Variants in LIMK2 observed in about 807,000 individuals in gnomAD.
LIMK2 encodes the protein LIM domain kinase 2.
Under a neutral mutation model 75.7 loss-of-function variants are expected in LIMK2, and 35 were observed. That is an observed-to-expected ratio of 0.46 (90% CI 0.35 to 0.61). The LOEUF (loss-of-function observed/expected upper bound fraction) is 0.61, where lower values mean the gene tolerates loss of function less well. Ranked by LOEUF, LIMK2 falls within the 20% of genes least tolerant of loss-of-function variation. The pLI is 0.00. For synonymous variants in LIMK2, 301 were observed against 319.2 expected, an observed-to-expected ratio of 0.94 and a Z score of 0.61; for missense variants, 623 against 831.0, an observed-to-expected ratio of 0.75 and a Z score of 3.08.
rs1341036698 is a variant in LIMK2 at position 31,278,357 on chromosome 22, G to A, written c.1833G>A (p.Leu611=). 1 of 1,613,940 alleles carries A rather than the reference G, an allele frequency of 6.2e-7. No individual in the cohort carries two copies. Among genetic ancestry groups the A allele is most frequent in the Non-Finnish European group, 8.5e-7 (1 of 1,179,912 alleles). ...CCCTCTCCCTGTACCTGGGGGAGCT[G>A]GGCATCCCGCTGCCTGCAGAGCTGG... is the stretch of plus-strand genomic sequence containing the variant. ...FEALSLYLGE[L]GIPLPAELEE... The change falls in exon 16 of 16, where the codon CTG becomes CTA. Residue 611 remains leucine, a synonymous_variant. Transcript: ENST00000331728.
chr22:31,261,602 C>T (rs191435912), intron 5 of LIMK2, among the ~76,000 whole-genome samples: 309 of 149,494 alleles, frequency 2.1e-3, no homozygotes, highest in Middle Eastern at 3.5e-3. Flanking sequence ...CCCATCTCTA[C>T]AAAAAGTACA....
At position 31,278,450 on chromosome 22, in the gene LIMK2, C is replaced by T; in HGVS notation, c.*9C>T. 1.3e-6 allele frequency: 2 copies of T among 1,597,042 alleles called. No homozygotes were observed. The highest frequency in any genetic ancestry group is 1.7e-6 in the Non-Finnish European group (2 of 1,171,482). ...GGGACTCACCTCCCTAGCCCTGGCC[C>T]AGCCCCCTGCAGGGGGGTGTTCTAC... is the stretch of plus-strand genomic sequence containing the variant. On this transcript the variant is annotated 3_prime_UTR_variant, in exon 16 of 16. Coordinates refer to ENST00000331728, the MANE Select transcript of LIMK2 (RefSeq NM_005569.4).
At chr22:31,268,020 C>A in intron 10 of LIMK2, 113 bp downstream of exon 10, 1 of 1,536,426 alleles carries the variant, frequency 6.5e-7, no homozygotes, top group Non-Finnish European at 9.0e-7. Flanking sequence ...CTCCAAAGGA[C>A]CATGCTGGGT....
rs188081072 is a variant in LIMK2, at chr22:31,258,798, T to C, written c.253-323T>C. On this transcript the variant is annotated intron_variant, in intron 3 of 15. Transcript: ENST00000331728. Reference sequence around the variant, plus strand: ...TGGCAGAGAGAGGGGCTACCTCCTATACCTGCTCTGGACAAACGACTTTAA... The same window carrying C: ...TGGCAGAGAGAGGGGCTACCTCCTACACCTGCTCTGGACAAACGACTTTAA... 2.4e-5 allele frequency: 10 copies of C among 408,354 alleles called. No homozygotes were observed. The Admixed American group carries it at 3.6e-4, about 15-fold the overall frequency. 25.3% of individuals were successfully genotyped at this position (408,354 alleles called of 1,614,324 possible). A position where few individuals can be genotyped will look rare whatever the true frequency, so the allele number is the denominator to read the frequency against.
chr22:31,275,417 GT>G, intron 15 of LIMK2, 109 bp downstream of exon 15: 1 of 1,097,778 alleles, frequency 9.1e-7, no homozygotes, highest in Non-Finnish European at 1.3e-6. Flanking sequence ...AAGCCTTGAG[GT>G]CAAGAATGTG....
At chr22:31,253,191 C>T (rs1237963968) in intron 2 of LIMK2, among the ~76,000 whole-genome samples, 2 of 152,236 alleles carry the variant, frequency 1.3e-5, no homozygotes, top group African/African-American at 4.8e-5. Context: ...TCTGGCTCCT[C>T]AGGACAGTGG....
chr22:31,269,956 A>G (rs904968985), intron 11 of LIMK2, among the ~76,000 whole-genome samples: 4 of 150,554 alleles, frequency 2.7e-5, no homozygotes, highest in South Asian at 2.1e-4. Context: ...CTGGTTGGCA[A>G]TGAGGGAACA....
At chr22:31,232,520 G>A (rs2048537840) in intron 2 of LIMK2, among the ~76,000 whole-genome samples, 1 of 152,188 alleles carries the variant, frequency 6.6e-6, no homozygotes, top group Non-Finnish European at 1.5e-5. Flanking sequence ...AATATATCAA[G>A]CGTCATTTGC....
At chr22:31,236,416 C>G (rs1342727706) in intron 2 of LIMK2, among the ~76,000 whole-genome samples, 1 of 149,716 alleles carries the variant, frequency 6.7e-6, no homozygotes, top group Non-Finnish European at 1.5e-5. Flanking sequence ...CAAGATCAGT[C>G]TGGGTAACAG....
At chr22:31,257,468 A>G (rs2048796199) in intron 2 of LIMK2, among the ~76,000 whole-genome samples, 1 of 152,188 alleles carries the variant, frequency 6.6e-6, no homozygotes, top group African/African-American at 2.4e-5. Context: ...TGAACAGTTC[A>G]ATATGTTTCT....
intron 7 of LIMK2, among the ~76,000 whole-genome samples, chr22:31,263,817 C>T (rs955006296): frequency 6.6e-6 from 1 of 152,154 alleles, no homozygotes; most frequent in Non-Finnish European, 1.5e-5. Context: ...GGGCCACATT[C>T]CTGTCTCTAC....
chr22:31,277,118 T>C, intron 15 of LIMK2: 1 of 1,613,886 alleles, frequency 6.2e-7, no homozygotes, highest in Non-Finnish European at 8.5e-7. Flanking sequence ...ATGCAGAAGC[T>C]GAGCACACCC....
chr22:31,277,004 T>C, intron 15 of LIMK2: 2 of 1,613,832 alleles, frequency 1.2e-6, no homozygotes, highest in Non-Finnish European at 1.7e-6. Context: ...CTCCTGGACA[T>C]GGAGAGTGAC....
At chr22:31,245,101 C>T (rs534283033) in intron 2 of LIMK2, among the ~76,000 whole-genome samples, 1 of 152,282 alleles carries the variant, frequency 6.6e-6, no homozygotes, top group Admixed American at 6.5e-5. Context: ...TTCAGTGCTT[C>T]CTTCTTCTGG....
chr22:31,233,463 G>A (rs900261056), intron 2 of LIMK2, among the ~76,000 whole-genome samples: 1 of 152,068 alleles, frequency 6.6e-6, no homozygotes, highest in Non-Finnish European at 1.5e-5. Flanking sequence ...TCTTTGTCCA[G>A]CTCTGGGATG....
chr22:31,275,626 CAT>C (rs2049005823), intron 15 of LIMK2: 1 of 245,152 alleles, frequency 4.1e-6, no homozygotes, highest in Non-Finnish European at 7.5e-6. Context: ...CATATCTACA[CAT>C]ATACTTTTTT....
rs114127458 is a variant in LIMK2 at position 31,267,032 on chromosome 22, C to T, written c.1090C>T (p.Arg364Ter). ...GKVMVMKELIRCDEETQKTFL... is the reference protein window; with the variant it reads ...GKVMVMKELI Reference sequence around the variant, plus strand: ...AGTGATGGTCATGAAAGAGTTAATTCGATGTGATGAGGAGACCCAGAAAAC... The same window carrying T: ...AGTGATGGTCATGAAAGAGTTAATTTGATGTGATGAGGAGACCCAGAAAAC... The change falls in exon 9 of 16, where the codon CGA becomes TGA. Residue 364 changes from arginine (R) to a stop codon, truncating the protein, a stop_gained. Transcript: ENST00000331728. LOFTEE classifies it high-confidence loss of function. 56 of 1,609,524 alleles carry T rather than the reference C, an allele frequency of 3.5e-5. 1 individual carries two copies. The highest frequency in any genetic ancestry group is 4.0e-5 in the Non-Finnish European group (47 of 1,177,620).
chr22:31,262,779 G>A lies in LIMK2; in HGVS notation c.842G>A (p.Arg281Lys), dbSNP rs749671783. 2.5e-6 allele frequency: 4 copies of A among 1,607,534 alleles called. No homozygotes were observed. The highest frequency in any genetic ancestry group is 3.4e-6 in the Non-Finnish European group (4 of 1,176,242). ...GAGAATCTGGAGGGGACACTGAGGA[G>A]ACGTTCCCTAAGGTGCCACCTCCCA... is the stretch of plus-strand genomic sequence containing the variant. ...TKENLEGTLR[R>K]RSLRRSNSIS... The change falls in exon 7 of 16, where the codon AGA (arginine) becomes AAA (lysine). Residue 281 changes from arginine (R) to lysine (K), a missense_variant. By Grantham distance (26) the Arg-to-Lys change is conservative (BLOSUM62 2). This residue lies in a region of LIMK2 where 514 missense variants were observed against 661.3 expected (regional missense o/e 0.78). Coordinates refer to ENST00000331728, the MANE Select transcript of LIMK2 (RefSeq NM_005569.4). The surrounding 1 kb of genome is among the most constrained non-coding windows in gnomAD (Gnocchi z 5.0).
At position 31,276,085 on chromosome 22, in the gene LIMK2, AC is replaced by A. The variant is rs543217259; in HGVS notation, c.1772+778del. Among the ~76,000 whole-genome samples the A allele has an allele frequency of 1.6e-3, 236 of 152,102 alleles. 2 individuals are homozygous for A. Among genetic ancestry groups the A allele is most frequent in the African/African-American group, 5.6e-3 (231 of 41,476 alleles). ...ACCCCATCTCTACTAAAAATACAAA[AC>A]TTAGCCAGGCATGGTGGCAGGTGCC... On this transcript the variant is annotated intron_variant, in intron 15 of 15. Coordinates refer to ENST00000331728, the MANE Select transcript of LIMK2 (RefSeq NM_005569.4).
Sources: allele counts gnomAD v4.1 joint callset (sites outside exome capture counted in the v4.1 genomes callset), GRCh38; gene constraint gnomAD v4.1.1; regional missense constraint gnomAD v4.1.1; non-coding constraint Gnocchi (gnomAD v3.1); transcripts MANE v1.5; gene names NCBI Gene and HGNC (gene_info 2026-07-23, HGNC 2026-07-21).